Variants in TPH2 observed in about 807,000 individuals in gnomAD.
TPH2 encodes the protein tryptophan hydroxylase 2, also known as tryptophan 5-hydroxylase 2.
A neutral mutation model predicts 59.1 loss-of-function variants in TPH2; 27 were observed. The ratio of observed to expected loss-of-function variants is 0.46; its 90% confidence interval spans 0.34 to 0.63. The LOEUF is 0.63. Among genes scored for constraint, TPH2 ranks in the 30% least tolerant of loss-of-function variants. The pLI is 0.01. For missense variants in TPH2, 523 were observed against 588.3 expected (o/e 0.89, Z 1.15); for synonymous variants, 220 against 210.5 (o/e 1.05, Z -0.39).
At chr12:71,986,361 T>C (rs892812323) in intron 7 of TPH2, among the ~76,000 whole-genome samples, 2 of 152,164 alleles carry the variant, frequency 1.3e-5, no homozygotes, top group African/African-American at 2.4e-5. Flanking sequence ...AGACCTGGAC[T>C]CCCAAGTTTT....
intron 5 of TPH2, among the ~76,000 whole-genome samples, chr12:71,961,249 C>T (rs569384994): frequency 6.6e-6 from 1 of 152,232 alleles, no homozygotes; most frequent in African/African-American, 2.4e-5. Context: ...TCAGTTTCTT[C>T]AACAGTTAAG....
At chr12:71,982,241 G>A (rs1872306960) in intron 7 of TPH2, among the ~76,000 whole-genome samples, 1 of 151,786 alleles carries the variant, frequency 6.6e-6, no homozygotes, top group African/African-American at 2.4e-5. Context: ...CTGACCTCAG[G>A]TGATCCATCT....
chr12:72,011,889 T>A (rs996360391), intron 8 of TPH2, among the ~76,000 whole-genome samples: 1 of 152,146 alleles, frequency 6.6e-6, no homozygotes, highest in African/African-American at 2.4e-5. Flanking sequence ...GGCTATTGCT[T>A]AAAGGGAGTA....
chr12:71,946,676 T>G (rs1000643137), intron 4 of TPH2, among the ~76,000 whole-genome samples: 1 of 152,168 alleles, frequency 6.6e-6, no homozygotes, highest in African/African-American at 2.4e-5. Context: ...GATGGAAAAG[T>G]TGTCTAAGCA....
At chr12:72,008,678 T>A (rs1416221041) in intron 8 of TPH2, among the ~76,000 whole-genome samples, 1 of 152,148 alleles carries the variant, frequency 6.6e-6, no homozygotes, top group Non-Finnish European at 1.5e-5. Context: ...ACAAATTAAA[T>A]GTTGTGTGTA....
intron 1 of TPH2, among the ~76,000 whole-genome samples, chr12:71,939,325 G>T (rs1408208379): frequency 6.9e-6 from 1 of 145,358 alleles, no homozygotes; most frequent in Non-Finnish European, 1.5e-5. Flanking sequence ...AAGTTTGTAA[G>T]TAGAGAGTTA....
intron 5 of TPH2, among the ~76,000 whole-genome samples, chr12:71,950,601 GA>G (rs1566116258): frequency 6.6e-6 from 1 of 152,160 alleles, no homozygotes; most frequent in Non-Finnish European, 1.5e-5. Flanking sequence ...ATAACTCATA[GA>G]TCATCACAAT....
intron 7 of TPH2, among the ~76,000 whole-genome samples, chr12:71,993,380 T>A (rs1872623181): frequency 6.6e-6 from 1 of 152,228 alleles, no homozygotes; most frequent in African/African-American, 2.4e-5. Context: ...ACCTAGGTAA[T>A]TGGTGTTTTT....
intron 5 of TPH2, among the ~76,000 whole-genome samples, chr12:71,955,826 G>A (rs909783833): frequency 5.3e-5 from 8 of 152,040 alleles, no homozygotes; most frequent in African/African-American, 1.9e-4. Context: ...CCTCGGCCAA[G>A]GCTTTTGTAT....
chr12:71,954,175 G>A (rs1197221294), intron 5 of TPH2, among the ~76,000 whole-genome samples: 2 of 152,130 alleles, frequency 1.3e-5, no homozygotes, highest in Admixed American at 1.3e-4. Context: ...AGGAGAGGGG[G>A]CGGGAAAGCG....
chr12:71,966,173 T>C (rs1592390296), intron 5 of TPH2, among the ~76,000 whole-genome samples: 1 of 152,076 alleles, frequency 6.6e-6, no homozygotes. Context: ...AACAAAGGCA[T>C]CTGAAAAATC....
chr12:71,946,364 A>G (rs941181369), intron 4 of TPH2, among the ~76,000 whole-genome samples: 2 of 152,166 alleles, frequency 1.3e-5, no homozygotes, highest in Non-Finnish European at 2.9e-5. Context: ...ACCTGGAGAA[A>G]GGAGTTCAGC....
Position 71,938,859 on chromosome 12 carries a change from C to A in TPH2, c.-128C>A. 1 of 782,120 alleles carries A rather than the reference C, an allele frequency of 1.3e-6. No individual in the cohort carries two copies. Among genetic ancestry groups the A allele is most frequent in the Non-Finnish European group, 2.3e-6 (1 of 443,122 alleles). 48.4% of individuals were successfully genotyped at this position (782,120 alleles called of 1,614,324 possible). A position where few individuals can be genotyped will look rare whatever the true frequency, so the allele number is the denominator to read the frequency against. On this transcript the variant is annotated 5_prime_UTR_variant, in exon 1 of 11. Coordinates refer to ENST00000333850, the MANE Select transcript of TPH2 (RefSeq NM_173353.4). Reference sequence around the variant, plus strand: ...TGGGAGGATTCGCATTGCTCTTCAGCACCAGGGTTCTGGACAGCGCCCCAA... The same window carrying A: ...TGGGAGGATTCGCATTGCTCTTCAGAACCAGGGTTCTGGACAGCGCCCCAA...
In TPH2 at chr12:72,025,723, G is replaced by A. The variant is rs1462167216; in HGVS notation, c.1164+3229G>A. On this transcript the variant is annotated intron_variant, in intron 9 of 10. Transcript: ENST00000333850. Reference sequence around the variant, plus strand: ...GGGCTTTTCCATACCTTTCATAACTGTGGAGAACAATTAACAATGAGCTGA... The same window carrying A: ...GGGCTTTTCCATACCTTTCATAACTATGGAGAACAATTAACAATGAGCTGA... 3.3e-5 allele frequency among the ~76,000 whole-genome samples: 5 copies of A among 152,098 alleles called. No homozygotes were observed. The East Asian group carries it at 9.6e-4, about 29-fold the overall frequency.
chr12:72,031,923 CT>C lies in TPH2; in HGVS notation c.*230del, dbSNP rs1023046424. 1 of 557,340 alleles carries C rather than the reference CT, an allele frequency of 1.8e-6. No homozygotes were observed. The highest frequency in any genetic ancestry group is 3.2e-6 in the Non-Finnish European group (1 of 313,356). 34.5% of individuals were successfully genotyped at this position (557,340 alleles called of 1,614,324 possible). ...GAAATAACGTATTATGTTTAAACAT[CT>C]TAAAAAGATTTGACATTCCTGCTTA... is the stretch of plus-strand genomic sequence containing the variant. On this transcript the variant is annotated 3_prime_UTR_variant, in exon 11 of 11. Coordinates refer to ENST00000333850, the MANE Select transcript of TPH2 (RefSeq NM_173353.4).
intron 4 of TPH2, among the ~76,000 whole-genome samples, chr12:71,945,581 G>A (rs1871179004): frequency 6.6e-6 from 1 of 152,108 alleles, no homozygotes; most frequent in East Asian, 1.9e-4. Context: ...CTGGGGGTTT[G>A]GCAGTGTGGC....
chr12:71,969,533 G>T (rs1871915040), intron 5 of TPH2, among the ~76,000 whole-genome samples: 1 of 152,264 alleles, frequency 6.6e-6, no homozygotes, highest in East Asian at 1.9e-4. Context: ...TGTTTGTTTT[G>T]TTGAGGAGCC....
chr12:71,952,575 G>A (rs1050341152), intron 5 of TPH2, among the ~76,000 whole-genome samples: 35 of 152,230 alleles, frequency 2.3e-4, no homozygotes, highest in African/African-American at 6.3e-4. Context: ...AAAGCAAAGG[G>A]TATTTACCTA....
chr12:71,987,721 G>A (rs538290895), intron 7 of TPH2, among the ~76,000 whole-genome samples: 2 of 152,198 alleles, frequency 1.3e-5, no homozygotes, highest in South Asian at 4.1e-4. Flanking sequence ...GGGTGGTGGC[G>A]GGTGCCTGTA....
Sources: gnomAD v4.1 joint callset for allele counts (sites outside exome capture counted in the v4.1 genomes callset) on GRCh38, gnomAD v4.1.1 for gene constraint, MANE v1.5 for transcripts, NCBI Gene and HGNC (gene_info 2026-07-23, HGNC 2026-07-21) for gene names.